The following RBM33 variants were observed in gnomAD, a reference collection of about 807,000 sequenced individuals.
The protein encoded by RBM33 is RNA binding motif protein 33, also known as RNA-binding protein 33.
RBM33 carries 28 observed loss-of-function variants against 132.6 expected under a neutral mutation model. The ratio of observed to expected loss-of-function variants is 0.21; its 90% confidence interval spans 0.16 to 0.29. RBM33 has a LOEUF of 0.29. Among genes scored for constraint, RBM33 ranks in the 10% least tolerant of loss-of-function variants. The probability of loss-of-function intolerance (pLI) is 1.00; values close to 1 mark genes in which losing one functional copy is unlikely to be tolerated. For synonymous variants in RBM33, 634 were observed against 593.0 expected, an observed-to-expected ratio of 1.07 and a Z score of -1.01; for missense variants, 1,291 against 1,518.5, an observed-to-expected ratio of 0.85 and a Z score of 2.49.
Position 155,775,894 on chromosome 7 carries a change from G to C in RBM33, c.*853G>C, listed in dbSNP as rs1210642349. On this transcript the variant is annotated 3_prime_UTR_variant, in exon 18 of 18. Transcript: ENST00000401878. ...CTTTTTAAATGCAGTAAGGTGGCCT[G>C]TTTATCACTGGCTCTGTGATACATG... The C allele has an allele frequency of 6.6e-6, 1 of 152,242 alleles. No homozygotes were observed. The highest frequency in any genetic ancestry group is 6.5e-5 in the Admixed American group (1 of 15,290). The allele number at this position is 152,242 out of a possible 1,614,324, so 9.4% of individuals were successfully genotyped here. A position where few individuals can be genotyped will look rare whatever the true frequency, so the allele number is the denominator to read the frequency against.
At chr7:155,726,835 T>G (rs1800807232) in intron 9 of RBM33, among the ~76,000 whole-genome samples, 1 of 152,266 alleles carries the variant, frequency 6.6e-6, no homozygotes, top group Non-Finnish European at 1.5e-5. Context: ...GATAAAGCAC[T>G]TAATAAACCA....
At chr7:155,750,188 T>C (rs1801649101) in intron 14 of RBM33, among the ~76,000 whole-genome samples, 3 of 152,232 alleles carry the variant, frequency 2.0e-5, no homozygotes, top group Non-Finnish European at 4.4e-5. Flanking sequence ...TTTAATTACT[T>C]AGAATATAGA....
Position 155,745,954 on chromosome 7 carries a change from CAAT to C in RBM33, c.2979+353_2979+355del, listed in dbSNP as rs145471686. On this transcript the variant is annotated intron_variant, in intron 14 of 17. Transcript: ENST00000401878. The surrounding 1 kb of genome is among the most constrained non-coding windows in gnomAD (Gnocchi z 4.1). ...CTGAATACTATAGGCAGTTGTCACA[CAAT>C]GATGAGTAGTTGTGTGTCGAAATGT... Among the ~76,000 whole-genome samples the C allele has an allele frequency of 4.1e-3, 630 of 152,290 alleles. 8 individuals are homozygous for C. Among genetic ancestry groups the C allele is most frequent in the African/African-American group, 0.015 (606 of 41,550 alleles).
At chr7:155,729,392 G>A (rs778970575) in intron 9 of RBM33, among the ~76,000 whole-genome samples, 12 of 152,164 alleles carry the variant, frequency 7.9e-5, no homozygotes, top group Non-Finnish European at 8.8e-5. Flanking sequence ...GAAGAAGCCA[G>A]TCAGCATGGT....
At chr7:155,743,090 T>G (rs1801402633) in intron 13 of RBM33, among the ~76,000 whole-genome samples, 1 of 152,254 alleles carries the variant, frequency 6.6e-6, no homozygotes, top group Non-Finnish European at 1.5e-5. Flanking sequence ...GATATATTAT[T>G]GTAGCAGTTG....
In RBM33 at chr7:155,701,975, C is replaced by T. The variant is rs557751647; in HGVS notation, c.739+1031C>T. Among the ~76,000 whole-genome samples the T allele has an allele frequency of 4.6e-5, 7 of 152,270 alleles. No individual in the cohort carries two copies. The South Asian group carries it at 6.2e-4, about 14-fold the overall frequency. Reference sequence around the variant, plus strand: ...TGCTGGGATTACAGGCGTGAGCCACCGCTCTTGGCCTAGAAAGTTGTATTT... The same window carrying T: ...TGCTGGGATTACAGGCGTGAGCCACTGCTCTTGGCCTAGAAAGTTGTATTT... On this transcript the variant is annotated intron_variant, in intron 6 of 17. Coordinates refer to ENST00000401878, the MANE Select transcript of RBM33 (RefSeq NM_053043.3).
chr7:155,705,161 A>G (rs917169230), intron 6 of RBM33, among the ~76,000 whole-genome samples: 5 of 152,354 alleles, frequency 3.3e-5, no homozygotes, highest in South Asian at 2.1e-4. Flanking sequence ...GAAAACACTT[A>G]AAGGGAAATT....
chr7:155,686,344 A>G (rs1378132640), intron 5 of RBM33, among the ~76,000 whole-genome samples: 2 of 152,194 alleles, frequency 1.3e-5, no homozygotes, highest in African/African-American at 2.4e-5. Flanking sequence ...AGAAAAATCT[A>G]AGTAGCCAGT....
chr7:155,668,737 G>A, intron 2 of RBM33, among the ~76,000 whole-genome samples: 1 of 152,214 alleles, frequency 6.6e-6, no homozygotes, highest in East Asian at 1.9e-4. Context: ...TAAGAAGTCA[G>A]CCCTAGCACT....
In RBM33 at chr7:155,776,443, C is replaced by A. The variant is rs927172914; in HGVS notation, c.*1402C>A. The A allele has an allele frequency of 6.6e-6, 1 of 152,208 alleles. No individual in the cohort carries two copies. Among genetic ancestry groups the A allele is most frequent in the African/African-American group, 2.4e-5 (1 of 41,454 alleles). 9.4% of individuals were successfully genotyped at this position (152,208 alleles called of 1,614,324 possible). ...TCCTAGAAGGAAGGGACTAAGGAGA[C>A]GGGCACAGACTTGCGTCATCTCGTT... On this transcript the variant is annotated 3_prime_UTR_variant, in exon 18 of 18. Transcript: ENST00000401878. This position sits in a 1 kb window ranked among gnomAD's most constrained non-coding sequence, Gnocchi z 4.0.
chr7:155,647,679 C>T (rs1345693150), intron 1 of RBM33, among the ~76,000 whole-genome samples: 1 of 152,190 alleles, frequency 6.6e-6, no homozygotes, highest in Non-Finnish European at 1.5e-5. Flanking sequence ...CCGCCTCAGC[C>T]TCTCAGAGTG....
chr7:155,673,768 G>GCACACACACACACA lies in RBM33; in HGVS notation c.171+873_171+886dup, dbSNP rs369116329. 9.9e-3 allele frequency among the ~76,000 whole-genome samples: 1,320 copies of GCACACACACACACA among 132,958 alleles called. 37 individuals carry two copies. Among genetic ancestry groups the GCACACACACACACA allele is most frequent in the South Asian group, 0.025 (109 of 4,294 alleles). The allele number at this position is 132,958 out of a possible 152,430, so 87.2% of individuals were successfully genotyped here. On this transcript the variant is annotated intron_variant, in intron 3 of 17. Transcript: ENST00000401878. ...CACGTGTATATACGCGCGCATGCGC[G>GCACACACACACACA]CACACACACACACACACACACACAC...
At chr7:155,765,432 C>T (rs1195600313) in intron 15 of RBM33, among the ~76,000 whole-genome samples, 1 of 152,194 alleles carries the variant, frequency 6.6e-6, no homozygotes, top group Non-Finnish European at 1.5e-5. Context: ...AGTTTTGCTG[C>T]CTTCTTCAGA....
intron 7 of RBM33, 107 bp from the exon 8 acceptor site, chr7:155,711,096 T>C: frequency 7.2e-7 from 1 of 1,389,282 alleles, no homozygotes. Flanking sequence ...ATGCAATCAG[T>C]GTAAATTTGT....
intron 3 of RBM33, among the ~76,000 whole-genome samples, chr7:155,673,754 ACG>A (rs145463119): frequency 0.018 from 1,105 of 61,354 alleles, 29 homozygotes; most frequent in Non-Finnish European, 0.018. Flanking sequence ...ACGTGTATAT[ACG>A]CGCGCATGCG....
At chr7:155,667,357 C>G (rs2116895122) in intron 2 of RBM33, among the ~76,000 whole-genome samples, 1 of 152,116 alleles carries the variant, frequency 6.6e-6, no homozygotes, top group Non-Finnish European at 1.5e-5. Flanking sequence ...AAGTGATGCT[C>G]CTGCCTTGGC....
chr7:155,645,246 G>GT (rs1554463817), intron 1 of RBM33: 22 of 277,176 alleles, frequency 7.9e-5, no homozygotes, highest in Non-Finnish European at 1.3e-4. Context: ...GTAGGAGAGC[G>GT]CCCCCCCCAC....
At chr7:155,710,219 A>G (rs1452524432) in intron 7 of RBM33, among the ~76,000 whole-genome samples, 1 of 152,226 alleles carries the variant, frequency 6.6e-6, no homozygotes, top group Non-Finnish European at 1.5e-5. Context: ...GTCTACTGCT[A>G]ATTAGCTGTG....
intron 16 of RBM33, among the ~76,000 whole-genome samples, chr7:155,768,450 AT>A (rs1802294974): frequency 6.6e-6 from 1 of 151,714 alleles, no homozygotes; most frequent in Non-Finnish European, 1.5e-5. Context: ...AGCCACAAAT[AT>A]TTTTTATCCT....
Sources: allele counts gnomAD v4.1 joint callset (sites outside exome capture counted in the v4.1 genomes callset), GRCh38; gene constraint gnomAD v4.1.1; non-coding constraint Gnocchi (gnomAD v3.1); transcripts MANE v1.5; gene names NCBI Gene and HGNC (gene_info 2026-07-23, HGNC 2026-07-21).